Variants in GABRG3 observed in about 807,000 individuals in gnomAD.
GABRG3 encodes the protein gamma-aminobutyric acid type A receptor subunit gamma3, also known as gamma-aminobutyric acid receptor subunit gamma-3.
In GABRG3, 25 loss-of-function variants were observed where a neutral mutation model predicts 48.8. The ratio of observed to expected loss-of-function variants is 0.51; its 90% CI spans 0.37 to 0.72. GABRG3 has a LOEUF of 0.72. Ranked by LOEUF, GABRG3 falls within the 30% of genes least tolerant of loss-of-function variation. GABRG3 has a pLI of 0.00. For missense variants in GABRG3, 394 were observed against 577.9 expected (o/e 0.68, Z 3.26); for synonymous variants, 227 against 217.6 (o/e 1.04, Z -0.38).
intron 3 of GABRG3, among the ~76,000 whole-genome samples, chr15:27,051,135 T>G (rs1255359096): frequency 2.6e-5 from 4 of 152,248 alleles, no homozygotes; most frequent in African/African-American, 7.2e-5. Context: ...ACATTTGCCT[T>G]AAATTCTATA....
intron 3 of GABRG3, among the ~76,000 whole-genome samples, chr15:27,144,436 C>T (rs1283445548): frequency 1.3e-5 from 2 of 152,132 alleles, no homozygotes; most frequent in Admixed American, 1.3e-4. Flanking sequence ...ATTCAAAGGG[C>T]ATGTCTTTAT....
chr15:27,189,308 T>C (rs915840155), intron 3 of GABRG3, among the ~76,000 whole-genome samples: 5 of 151,736 alleles, frequency 3.3e-5, no homozygotes, highest in African/African-American at 1.2e-4. Context: ...AATCTATAAA[T>C]TACCTTGGGC....
chr15:27,128,856 C>CA (rs1191619960), intron 3 of GABRG3, among the ~76,000 whole-genome samples: 1 of 151,992 alleles, frequency 6.6e-6, no homozygotes, highest in Non-Finnish European at 1.5e-5. Flanking sequence ...TCAATGAGGT[C>CA]AATTGGATAT....
intron 5 of GABRG3, among the ~76,000 whole-genome samples, chr15:27,390,145 G>A (rs1896177674): frequency 6.6e-6 from 1 of 152,176 alleles, no homozygotes; most frequent in South Asian, 2.1e-4. Context: ...CAGATATTGA[G>A]CAATACATTT....
Position 27,451,577 on chromosome 15 carries a change from A to G in GABRG3, c.575-29073A>G, listed in dbSNP as rs373861285. 3.3e-5 allele frequency among the ~76,000 whole-genome samples: 5 copies of G among 152,320 alleles called. No individual in the cohort carries two copies. The East Asian group carries it at 5.8e-4, about 18-fold the overall frequency. On this transcript the variant is annotated intron_variant, in intron 5 of 9. Transcript: ENST00000615808. ...AATCTTAAAGGTAAGAACTGAAACTATAAATTTCTGGAAGAAAACATATGG... is the reference window on the plus strand; with the variant it reads ...AATCTTAAAGGTAAGAACTGAAACTGTAAATTTCTGGAAGAAAACATATGG...
At chr15:27,531,159 C>T (rs1256879018) in intron 9 of GABRG3, among the ~76,000 whole-genome samples, 1 of 152,110 alleles carries the variant, frequency 6.6e-6, no homozygotes. Flanking sequence ...CCAATGGTAG[C>T]AGAGGGAGAT....
intron 3 of GABRG3, among the ~76,000 whole-genome samples, chr15:27,254,504 A>T (rs1036010184): frequency 6.6e-6 from 1 of 152,126 alleles, no homozygotes; most frequent in Non-Finnish European, 1.5e-5. Context: ...TATCTTATAC[A>T]CAACAGAAAC....
intron 3 of GABRG3, among the ~76,000 whole-genome samples, chr15:27,322,415 G>T (rs1179497949): frequency 6.6e-6 from 1 of 152,110 alleles, no homozygotes; most frequent in Non-Finnish European, 1.5e-5. Flanking sequence ...GATGGTTCTC[G>T]AATACTTCAT....
intron 5 of GABRG3, among the ~76,000 whole-genome samples, chr15:27,385,027 T>C (rs1036013641): frequency 6.6e-6 from 1 of 152,214 alleles, no homozygotes; most frequent in South Asian, 2.1e-4. Context: ...AGAATATTTT[T>C]ATTATCCCGA....
chr15:27,303,541 ATATT>A (rs1325542840), intron 3 of GABRG3, among the ~76,000 whole-genome samples: 1 of 151,868 alleles, frequency 6.6e-6, no homozygotes, highest in Non-Finnish European at 1.5e-5. Flanking sequence ...ATTGAATAAA[ATATT>A]TAAAGAAATT....
intron 7 of GABRG3, among the ~76,000 whole-genome samples, chr15:27,525,017 C>T (rs1390251500): frequency 6.6e-6 from 1 of 152,056 alleles, no homozygotes. Flanking sequence ...CATGAATGTT[C>T]ATGTAATCAC....
At chr15:27,314,237 GA>G (rs1893135171) in intron 3 of GABRG3, among the ~76,000 whole-genome samples, 1 of 152,096 alleles carries the variant, frequency 6.6e-6, no homozygotes, top group Admixed American at 6.5e-5. Flanking sequence ...TAAACTGGTT[GA>G]AAAATGGACT....
chr15:27,163,254 CT>C (rs1397202758), intron 3 of GABRG3, among the ~76,000 whole-genome samples: 1 of 152,124 alleles, frequency 6.6e-6, no homozygotes, highest in East Asian at 1.9e-4. Flanking sequence ...AGTTCCAACA[CT>C]TTGGAAAACC....
At chr15:27,436,564 G>A (rs966909310) in intron 5 of GABRG3, among the ~76,000 whole-genome samples, 2 of 152,196 alleles carry the variant, frequency 1.3e-5, no homozygotes, top group Admixed American at 6.5e-5. Flanking sequence ...ATAGTAACAT[G>A]GTAACATGAT....
intron 3 of GABRG3, among the ~76,000 whole-genome samples, chr15:27,206,978 A>C (rs887180323): frequency 6.6e-6 from 1 of 152,136 alleles, no homozygotes; most frequent in Non-Finnish European, 1.5e-5. Context: ...GATAGCATAC[A>C]ATTGGCTTTG....
chr15:27,140,642 A>G (rs893570863), intron 3 of GABRG3, among the ~76,000 whole-genome samples: 1 of 152,056 alleles, frequency 6.6e-6, no homozygotes. Flanking sequence ...ACAAATTTCT[A>G]TTGAACTTTA....
intron 5 of GABRG3, among the ~76,000 whole-genome samples, chr15:27,439,290 G>A (rs1888711626): frequency 6.6e-6 from 1 of 152,216 alleles, no homozygotes; most frequent in Non-Finnish European, 1.5e-5. Flanking sequence ...TGGTTAAAAA[G>A]TAGAGTTGGA....
chr15:27,515,928 T>C (rs1045728647), intron 6 of GABRG3, among the ~76,000 whole-genome samples: 11 of 152,212 alleles, frequency 7.2e-5, no homozygotes, highest in African/African-American at 2.4e-4. Flanking sequence ...TTTTCCTTTT[T>C]TAAATTTTCT....
chr15:27,022,409 G>T (rs1895912047), intron 2 of GABRG3, among the ~76,000 whole-genome samples: 1 of 152,082 alleles, frequency 6.6e-6, no homozygotes, highest in South Asian at 2.1e-4. Flanking sequence ...ACCTCAGGGG[G>T]CCCAGGGCCA....
Sources: gnomAD v4.1 joint callset for allele counts (sites outside exome capture counted in the v4.1 genomes callset) on GRCh38, gnomAD v4.1.1 for gene constraint, MANE v1.5 for transcripts, NCBI Gene and HGNC (gene_info 2026-07-23, HGNC 2026-07-21) for gene names.